Variants in MFN1 observed in about 807,000 individuals in gnomAD.
MFN1 encodes the protein mitofusin 1, also known as mitofusin-1.
A neutral mutation model predicts 92.4 loss-of-function variants in MFN1; 65 were observed. The observed-to-expected ratio is 0.70, with a 90% confidence interval of 0.58 to 0.86. The LOEUF (loss-of-function observed/expected upper bound fraction) is 0.86, where lower values mean the gene tolerates loss of function less well. Ranked by LOEUF, MFN1 falls within the 40% of genes least tolerant of loss-of-function variation. The probability of loss-of-function intolerance (pLI) is 0.00; values close to 1 mark genes in which losing one functional copy is unlikely to be tolerated. For missense variants in MFN1, 781 were observed against 868.0 expected (o/e 0.90, Z 1.26); for synonymous variants, 297 against 300.9 (o/e 0.99, Z 0.13).
chr3:179,377,108 C>T lies in MFN1; in HGVS notation c.1164C>T (p.Asn388=). ...DRLDFIRNQM[N]LLTLDVKKKI... is the part of the protein sequence containing the mutation. ...TGGACTTTATTCGAAACCAGATGAA[C>T]CTTTTAACACTGGATGTTAAGAAAA... The change falls in exon 11 of 18, where the codon AAC becomes AAT. Residue 388 remains asparagine, a synonymous_variant. Coordinates refer to ENST00000471841, the MANE Select transcript of MFN1 (RefSeq NM_033540.3). 6.2e-7 allele frequency: 1 copy of T among 1,613,614 alleles called. No homozygotes were observed. The highest frequency in any genetic ancestry group is 1.1e-5 in the South Asian group (1 of 91,048).
chr3:179,367,381 G>GT lies in MFN1; in HGVS notation c.754-56dup. 3 of 1,471,650 alleles carry GT rather than the reference G, an allele frequency of 2.0e-6. No individual in the cohort carries two copies. The East Asian group carries it at 7.0e-5, about 34-fold the overall frequency. 91.2% of individuals were successfully genotyped at this position (1,471,650 alleles called of 1,614,324 possible). A position where few individuals can be genotyped will look rare whatever the true frequency, so the allele number is the denominator to read the frequency against. ...ATAAAGTAAGTATTGGTCTATAGTC[G>GT]TTGGTTATTATATTTGTTTAAATTA... On this transcript the variant is annotated intron_variant, in intron 7 of 17. Transcript: ENST00000471841.
chr3:179,359,419 CTTTTT>C (rs769518082), intron 4 of MFN1, among the ~76,000 whole-genome samples: 1 of 124,794 alleles, frequency 8.0e-6, no homozygotes, highest in Non-Finnish European at 1.7e-5. Flanking sequence ...TGCACCCGGC[CTTTTT>C]TTTTTTTTTT....
chr3:179,380,864 C>G (rs1441280517), intron 14 of MFN1, among the ~76,000 whole-genome samples: 1 of 152,148 alleles, frequency 6.6e-6, no homozygotes, highest in East Asian at 1.9e-4. Context: ...GTTGTGTATG[C>G]CTGCAGCCTC....
rs1194551984 is a variant in MFN1, at chr3:179,392,045, A to C, written c.2212A>C (p.Asn738His). The change falls in exon 18 of 18, where the codon AAT (asparagine) becomes CAT (histidine). Residue 738 changes from asparagine to histidine, a missense_variant. Physicochemically the swap from Asn to His is moderately conservative, Grantham distance 68. Coordinates refer to ENST00000471841, the MANE Select transcript of MFN1 (RefSeq NM_033540.3). ...TACTAAGCAGTTTCTACCTTCAAGC[A>C]ATGAAGAATCCTAACAATAGAGATT... Reference protein sequence around the residue: ...NFTKQFLPSSNEES With the variant: ...NFTKQFLPSSHEES The C allele has an allele frequency of 6.2e-7, 1 of 1,609,364 alleles. No individual in the cohort carries two copies. The highest frequency in any genetic ancestry group is 2.2e-5 in the East Asian group (1 of 44,796).
intron 11 of MFN1, 46 bp downstream of exon 11, chr3:179,377,214 A>G: frequency 6.3e-7 from 1 of 1,579,802 alleles, no homozygotes. Context: ...GATGGAAATT[A>G]TTTTTGATAA....
chr3:179,364,490 A>G, intron 6 of MFN1, 85 bp downstream of exon 6: 1 of 1,079,660 alleles, frequency 9.3e-7, no homozygotes. Context: ...GGAAATCCAT[A>G]TCGTGGATTA....
chr3:179,376,924 GT>G (rs533318519), intron 10 of MFN1, 117 bp from the exon 11 acceptor site: 835 of 845,748 alleles, frequency 9.9e-4, no homozygotes, highest in South Asian at 1.5e-3. Context: ...GATGTTACAA[GT>G]TTTTTTTTTC....
chr3:179,375,115 A>T, intron 9 of MFN1, 105 bp from the exon 10 acceptor site: 2 of 1,251,270 alleles, frequency 1.6e-6, no homozygotes, highest in Non-Finnish European at 2.1e-6. Context: ...TTCTATCTTT[A>T]TTTCTGTTTG....
chr3:179,389,066 C>CA (rs1560202368), intron 16 of MFN1, among the ~76,000 whole-genome samples: 1 of 152,182 alleles, frequency 6.6e-6, no homozygotes, highest in Non-Finnish European at 1.5e-5. Flanking sequence ...GTTGCAGATA[C>CA]AAAATCAAAG....
At chr3:179,388,712 G>T (rs1713791859) in intron 16 of MFN1, among the ~76,000 whole-genome samples, 1 of 152,180 alleles carries the variant, frequency 6.6e-6, no homozygotes, top group East Asian at 1.9e-4. Flanking sequence ...ATCAATAAAG[G>T]TTTCCTAGGG....
chr3:179,373,224 A>AG (rs1022742155), intron 9 of MFN1, among the ~76,000 whole-genome samples: 1 of 151,882 alleles, frequency 6.6e-6, no homozygotes, highest in East Asian at 1.9e-4. Context: ...AATGCTGAAG[A>AG]GGGGAGCTAA....
chr3:179,389,758 C>T (rs1713829925), intron 16 of MFN1, among the ~76,000 whole-genome samples: 1 of 152,012 alleles, frequency 6.6e-6, no homozygotes, highest in African/African-American at 2.4e-5. Flanking sequence ...AGAAACACAC[C>T]CATCTTTTGT....
Position 179,394,648 on chromosome 3 carries a change from C to G in MFN1, c.*2589C>G, listed in dbSNP as rs953551194. Reference sequence around the variant, plus strand: ...GCCAGGATGGTCTCGATCTCCTGACCTCGTGATCCACCCGCCTCGGCCTCC... The same window carrying G: ...GCCAGGATGGTCTCGATCTCCTGACGTCGTGATCCACCCGCCTCGGCCTCC... On this transcript the variant is annotated 3_prime_UTR_variant, in exon 18 of 18. Coordinates refer to ENST00000471841, the MANE Select transcript of MFN1 (RefSeq NM_033540.3). 1.3e-5 allele frequency: 2 copies of G among 151,984 alleles called. No individual in the cohort carries two copies. Among genetic ancestry groups the G allele is most frequent in the African/African-American group, 4.8e-5 (2 of 41,404 alleles). The allele number at this position is 151,984 out of a possible 1,614,324, so 9.4% of individuals were successfully genotyped here.
At chr3:179,359,100 C>A in intron 4 of MFN1, 98 bp downstream of exon 4, 17 of 1,231,892 alleles carry the variant, frequency 1.4e-5, no homozygotes, top group South Asian at 2.3e-5. Flanking sequence ...TCGCTGACAT[C>A]TTATAAAAAG....
chr3:179,389,858 T>G, intron 16 of MFN1, 146 bp from the exon 17 acceptor site: 1 of 678,104 alleles, frequency 1.5e-6, no homozygotes, highest in Non-Finnish European at 2.4e-6. Context: ...TAGTGCCATA[T>G]CTTCCCTCTT....
chr3:179,389,308 T>G (rs1426027684), intron 16 of MFN1, among the ~76,000 whole-genome samples: 2 of 152,192 alleles, frequency 1.3e-5, no homozygotes, highest in Non-Finnish European at 2.9e-5. Flanking sequence ...TTTCCCTGCA[T>G]TGATTATCAA....
chr3:179,370,392 C>CTTTTTTTTTT lies in MFN1; in HGVS notation c.975+2303_975+2312dup, dbSNP rs34938438. 5.3e-3 allele frequency among the ~76,000 whole-genome samples: 466 copies of CTTTTTTTTTT among 88,082 alleles called. 27 individuals are homozygous for CTTTTTTTTTT. The highest frequency in any genetic ancestry group is 0.011 in the East Asian group (28 of 2,518). 57.8% of individuals were successfully genotyped at this position (88,082 alleles called of 152,430 possible). Reference sequence around the variant, plus strand: ...TTTTTGGGGTTTCATTCACTAAGTTCTTTTTTTTTTTTTTTTTTTTTTTGA... The same window carrying CTTTTTTTTTT: ...TTTTTGGGGTTTCATTCACTAAGTTCTTTTTTTTTTTTTTTTTTTTTTTTTTTTTTTTTGA... On this transcript the variant is annotated intron_variant, in intron 9 of 17. Coordinates refer to ENST00000471841, the MANE Select transcript of MFN1 (RefSeq NM_033540.3).
At chr3:179,382,672 G>C (rs1365367477) in intron 14 of MFN1, among the ~76,000 whole-genome samples, 1 of 152,194 alleles carries the variant, frequency 6.6e-6, no homozygotes, top group Non-Finnish European at 1.5e-5. Flanking sequence ...GGTTGAACTA[G>C]TTTACAGTCC....
chr3:179,361,830 C>T (rs1712593150), intron 4 of MFN1, among the ~76,000 whole-genome samples: 1 of 152,108 alleles, frequency 6.6e-6, no homozygotes, highest in Non-Finnish European at 1.5e-5. Flanking sequence ...GAGCCACCGC[C>T]CCCGGCCTAG....
Sources: gnomAD v4.1 joint callset for allele counts (sites outside exome capture counted in the v4.1 genomes callset) on GRCh38, gnomAD v4.1.1 for gene constraint, MANE v1.5 for transcripts, NCBI Gene and HGNC (gene_info 2026-07-23, HGNC 2026-07-21) for gene names.